IKZF2: variants seen among roughly 807,000 people sequenced by gnomAD.
IKZF2 encodes IKAROS family zinc finger 2.
In IKZF2, 15 loss-of-function variants were observed where a neutral mutation model predicts 49.2. The observed-to-expected ratio is 0.30, with a 90% CI of 0.20 to 0.47. The LOEUF is 0.47. Ranked by LOEUF, IKZF2 falls within the 20% of genes least tolerant of loss-of-function variation. The probability of loss-of-function intolerance (pLI) is 1.00; values close to 1 mark genes in which losing one functional copy is unlikely to be tolerated. For missense variants in IKZF2, 567 were observed against 664.6 expected (o/e 0.85, Z 1.61); for synonymous variants, 227 against 221.4 (o/e 1.03, Z -0.23).
At chr2:213,021,875 CAA>C in intron 7 of IKZF2, 116 bp downstream of exon 7, 1 of 1,067,692 alleles carries the variant, frequency 9.4e-7, no homozygotes, top group Non-Finnish European at 1.3e-6. Flanking sequence ...TCCCAAAGCT[CAA>C]CTCATTTAAG....
chr2:213,152,003 C>A (rs2126007881), upstream of IKZF2: 1 of 152,038 alleles, frequency 6.6e-6, no homozygotes, highest in East Asian at 1.9e-4. Flanking sequence ...CGCCCGGCCG[C>A]GTCGCCCCCA....
intron 4 of IKZF2, among the ~76,000 whole-genome samples, chr2:213,123,930 T>A (rs79687243): frequency 2.0e-5 from 1 of 51,264 alleles, no homozygotes; most frequent in East Asian, 6.1e-4. Flanking sequence ...ATATTTAGCT[T>A]GAGTCTTAGT....
chr2:213,011,410 G>A (rs1695939295), intron 8 of IKZF2, among the ~76,000 whole-genome samples: 1 of 151,912 alleles, frequency 6.6e-6, no homozygotes, highest in Non-Finnish European at 1.5e-5. Flanking sequence ...TGAGGTATCT[G>A]GGGGGCCAGG....
intron 4 of IKZF2, among the ~76,000 whole-genome samples, chr2:213,114,927 CA>C (rs5838366): frequency 6.2e-4 from 86 of 138,946 alleles, no homozygotes; most frequent in African/African-American, 1.0e-3. Context: ...GACTCCATCT[CA>C]AAAAAAAAAA....
intron 4 of IKZF2, among the ~76,000 whole-genome samples, chr2:213,088,972 C>T (rs539991495): frequency 6.6e-6 from 1 of 152,264 alleles, no homozygotes; most frequent in African/African-American, 2.4e-5. Flanking sequence ...CTTTGGTTCT[C>T]TGCTGCATTG....
chr2:213,071,882 G>A (rs935861864), intron 4 of IKZF2, among the ~76,000 whole-genome samples: 5 of 151,694 alleles, frequency 3.3e-5, no homozygotes, highest in African/African-American at 9.7e-5. Context: ...GCCCTACAAT[G>A]CAAGCAAAAC....
intron 4 of IKZF2, among the ~76,000 whole-genome samples, chr2:213,101,640 T>C (rs1403268685): frequency 6.6e-6 from 1 of 152,166 alleles, no homozygotes; most frequent in Non-Finnish European, 1.5e-5. Context: ...AAAATGTTTA[T>C]GTCCACAAAG....
At chr2:213,098,245 T>G (rs1433160123) in intron 4 of IKZF2, among the ~76,000 whole-genome samples, 3 of 152,122 alleles carry the variant, frequency 2.0e-5, no homozygotes, top group Non-Finnish European at 4.4e-5. Context: ...AGAACCACCA[T>G]TCTACATATT....
At chr2:213,068,865 CAT>C (rs947337310) in intron 4 of IKZF2, among the ~76,000 whole-genome samples, 2 of 150,678 alleles carry the variant, frequency 1.3e-5, no homozygotes, top group African/African-American at 4.9e-5. Flanking sequence ...GTGCCATCCC[CAT>C]GTGTTTCCTT....
At chr2:213,073,321 G>A (rs1702908110) in intron 4 of IKZF2, among the ~76,000 whole-genome samples, 1 of 152,160 alleles carries the variant, frequency 6.6e-6, no homozygotes, top group African/African-American at 2.4e-5. Flanking sequence ...AGTTCAGTGA[G>A]TAAGAGTGGA....
intron 1 of IKZF2, among the ~76,000 whole-genome samples, chr2:213,150,614 T>C (rs2061251316): frequency 1.4e-5 from 2 of 145,618 alleles, no homozygotes; most frequent in Admixed American, 7.3e-5. Context: ...CAGTCAGTGC[T>C]ATAGCAATGC....
At position 213,029,874 on chromosome 2, in the gene IKZF2, GT is replaced by G. The variant is rs371910690; in HGVS notation, c.575-7745del. On this transcript the variant is annotated intron_variant, in intron 6 of 8. Coordinates refer to ENST00000434687, the MANE Select transcript of IKZF2 (RefSeq NM_001387220.1). ...ACTACAGTCACAATGAACCAAGAAAGTTTGGGAAACACTGAGCTAGGTAATA... is the reference window on the plus strand; with the variant it reads ...ACTACAGTCACAATGAACCAAGAAAGTTGGGAAACACTGAGCTAGGTAATA... Among the ~76,000 whole-genome samples the G allele has an allele frequency of 8.7e-3, 1,329 of 152,114 alleles. 12 individuals are homozygous for G. Among genetic ancestry groups the G allele is most frequent in the South Asian group, 0.034 (163 of 4,828 alleles).
intron 4 of IKZF2, among the ~76,000 whole-genome samples, chr2:213,138,470 A>C (rs72949919): frequency 1.3e-5 from 2 of 152,030 alleles, no homozygotes; most frequent in Admixed American, 6.5e-5. Flanking sequence ...ACAACTAAGA[A>C]ATCAAGTTTC....
intron 6 of IKZF2, among the ~76,000 whole-genome samples, chr2:213,040,240 T>G (rs981633099): frequency 9.3e-6 from 1 of 107,880 alleles, no homozygotes; most frequent in African/African-American, 3.0e-5. Flanking sequence ...ACTTGTGTCA[T>G]GGGTTTTTTT....
At chr2:213,009,840 A>T (rs976050937) in intron 8 of IKZF2, among the ~76,000 whole-genome samples, 3 of 152,100 alleles carry the variant, frequency 2.0e-5, no homozygotes, top group Non-Finnish European at 2.9e-5. Flanking sequence ...AACATAGCCA[A>T]GTGAAGAAAC....
chr2:213,068,791 G>A (rs1702391752), intron 4 of IKZF2, among the ~76,000 whole-genome samples: 1 of 151,968 alleles, frequency 6.6e-6, no homozygotes, highest in Non-Finnish European at 1.5e-5. Context: ...TATGTGTGCA[G>A]GATGTTCTTT....
At chr2:213,070,483 G>C (rs1354339503) in intron 4 of IKZF2, among the ~76,000 whole-genome samples, 2 of 150,020 alleles carry the variant, frequency 1.3e-5, no homozygotes, top group Non-Finnish European at 3.0e-5. Flanking sequence ...TCCAGGATCA[G>C]GGAATTCACT....
chr2:213,135,058 A>G lies in IKZF2; in HGVS notation c.139+12650T>C, dbSNP rs376758349. Among the ~76,000 whole-genome samples, 7 of 152,316 alleles carry G rather than the reference A, an allele frequency of 4.6e-5. No homozygotes were observed. The East Asian group carries it at 1.2e-3, about 25-fold the overall frequency. ...GTCCTACCTCCATTAGCAACATACC[A>G]GAATTGTCTTGCTAAAAATAGTTTC... On this transcript the variant is annotated intron_variant, in intron 4 of 8. Transcript: ENST00000434687.
chr2:213,070,487 AT>A lies in IKZF2; in HGVS notation c.140-13389del. Among the ~76,000 whole-genome samples, 2 of 150,850 alleles carry A rather than the reference AT, an allele frequency of 1.3e-5. 1 individual carries two copies. The highest frequency in any genetic ancestry group is 3.9e-4 in the East Asian group (2 of 5,164). On this transcript the variant is annotated intron_variant, in intron 4 of 8. Transcript: ENST00000434687. ...CTGGATTGTATTCCAGGATCAGGGA[AT>A]TCACTGATTTTCAGGATTCCCTCTT... is the stretch of plus-strand genomic sequence containing the variant.
Sources: gnomAD v4.1 joint callset for allele counts (sites outside exome capture counted in the v4.1 genomes callset) on GRCh38, gnomAD v4.1.1 for gene constraint, MANE v1.5 for transcripts, NCBI Gene and HGNC (gene_info 2026-07-23, HGNC 2026-07-21) for gene names.